Variants in ULK4 observed in about 807,000 individuals in gnomAD.
ULK4 encodes the protein unc-51 like kinase 4, also known as inactive serine/threonine-protein kinase ULK4.
ULK4 carries 133 observed loss-of-function variants against 160.6 expected under a neutral mutation model. The ratio of observed to expected loss-of-function variants is 0.83; its 90% CI spans 0.72 to 0.96. The LOEUF (loss-of-function observed/expected upper bound fraction) is 0.96, where lower values mean the gene tolerates loss of function less well. Among genes scored for constraint, ULK4 ranks in the 40% least tolerant of loss-of-function variants. ULK4 has a pLI of 0.00. For synonymous variants in ULK4, 534 were observed against 539.8 expected (o/e 0.99, Z 0.15); for missense variants, 1,580 against 1,499.5 (o/e 1.05, Z -0.89).
chr3:41,405,078 G>A (rs2082266286), intron 34 of ULK4, among the ~76,000 whole-genome samples: 1 of 152,092 alleles, frequency 6.6e-6, no homozygotes, highest in South Asian at 2.1e-4. Flanking sequence ...CCGTCACCCA[G>A]GTACTGAATA....
chr3:41,741,637 A>C (rs1473930302), intron 22 of ULK4, among the ~76,000 whole-genome samples: 2 of 151,974 alleles, frequency 1.3e-5, no homozygotes, highest in Admixed American at 1.3e-4. Flanking sequence ...GTTAATAGTC[A>C]TAGATGTTTC....
intron 22 of ULK4, among the ~76,000 whole-genome samples, chr3:41,752,652 T>C (rs922695323): frequency 1.3e-5 from 2 of 152,230 alleles, no homozygotes; most frequent in African/African-American, 4.8e-5. Flanking sequence ...ATGAAAATCA[T>C]ATGTTCATGA....
At chr3:41,699,189 G>GT (rs2036592375) in intron 27 of ULK4, among the ~76,000 whole-genome samples, 1 of 152,108 alleles carries the variant, frequency 6.6e-6, no homozygotes, top group Admixed American at 6.6e-5. Context: ...CAGAGTAGGT[G>GT]TACCAATGTA....
In ULK4 at chr3:41,536,073, C is replaced by T. The variant is rs141034366; in HGVS notation, c.3226+29952G>A. Among the ~76,000 whole-genome samples, 19 of 152,314 alleles carry T rather than the reference C, an allele frequency of 1.2e-4. No homozygotes were observed. The East Asian group carries it at 3.5e-3, about 28-fold the overall frequency. On this transcript the variant is annotated intron_variant, in intron 32 of 36. Transcript: ENST00000301831. ...CACATCTCTTTCAGATGCCACATCC[C>T]ACCCACTCCAGCTCCTGAAGAACCC...
intron 32 of ULK4, among the ~76,000 whole-genome samples, chr3:41,539,759 T>C (rs2086631981): frequency 6.6e-6 from 1 of 152,090 alleles, no homozygotes; most frequent in South Asian, 2.1e-4. Context: ...AGACAAATCC[T>C]TCCATGCCTC....
chr3:41,856,531 A>ATATG (rs1559610857), intron 17 of ULK4, among the ~76,000 whole-genome samples: 3 of 117,626 alleles, frequency 2.6e-5, no homozygotes, highest in Non-Finnish European at 5.0e-5. Flanking sequence ...ATATATATAT[A>ATATG]TGTATGTATA....
chr3:41,307,994 G>A (rs1473325385), intron 35 of ULK4, among the ~76,000 whole-genome samples: 1 of 152,010 alleles, frequency 6.6e-6, no homozygotes, highest in African/African-American at 2.4e-5. Context: ...AGCATTTAAG[G>A]GCAGATACAA....
chr3:41,467,345 G>A (rs566075274), intron 32 of ULK4, among the ~76,000 whole-genome samples: 2 of 152,078 alleles, frequency 1.3e-5, no homozygotes, highest in Admixed American at 1.3e-4. Flanking sequence ...TGACCAACAT[G>A]GTGAAAACCC....
intron 19 of ULK4, among the ~76,000 whole-genome samples, chr3:41,801,323 GAAAAAGA>G (rs1486302605): frequency 2.6e-5 from 4 of 151,784 alleles, no homozygotes; most frequent in Non-Finnish European, 5.9e-5. Context: ...AATAAGACTT[GAAAAAGA>G]AAAAAGAAAC....
intron 22 of ULK4, among the ~76,000 whole-genome samples, chr3:41,740,959 C>T (rs534519386): frequency 3.3e-5 from 5 of 152,050 alleles, no homozygotes; most frequent in African/African-American, 9.7e-5. Context: ...GGAACAGCTA[C>T]TAACTATTTT....
chr3:41,739,477 T>G (rs1283369912), intron 22 of ULK4, among the ~76,000 whole-genome samples: 1 of 151,886 alleles, frequency 6.6e-6, no homozygotes, highest in Non-Finnish European at 1.5e-5. Flanking sequence ...AAATAATACA[T>G]TGTGTTGCAC....
chr3:41,956,848 T>C (rs1700501341), intron 1 of ULK4, among the ~76,000 whole-genome samples: 1 of 152,260 alleles, frequency 6.6e-6, no homozygotes, highest in Admixed American at 6.5e-5. Flanking sequence ...ATATTGCCTA[T>C]GACAGAGTTG....
At chr3:41,276,341 C>T (rs376600119) in intron 35 of ULK4, among the ~76,000 whole-genome samples, 1 of 152,212 alleles carries the variant, frequency 6.6e-6, no homozygotes, top group Admixed American at 6.5e-5. Flanking sequence ...CCAGGGCAAA[C>T]CTTTCACTTC....
rs139233663 is a variant in ULK4, at chr3:41,930,794, C to T, written c.541+1050G>A. The stretch of plus-strand genomic sequence containing the variant: ...GCAAATCAAAACCACAATGAGATAC[C>T]GTCTCACACCAGTCAGAATGGCAAT... On this transcript the variant is annotated intron_variant, in intron 5 of 36. Coordinates refer to ENST00000301831, the MANE Select transcript of ULK4 (RefSeq NM_017886.4). 1.9e-3 allele frequency among the ~76,000 whole-genome samples: 284 copies of T among 152,212 alleles called. 4 individuals are homozygous for T. The East Asian group carries it at 0.047, about 25-fold the overall frequency.
chr3:41,898,045 T>C (rs563072382), intron 14 of ULK4, among the ~76,000 whole-genome samples: 1 of 152,274 alleles, frequency 6.6e-6, no homozygotes, highest in Non-Finnish European at 1.5e-5. Flanking sequence ...TCAAATGTCC[T>C]GGTCCCTCTA....
In ULK4 at chr3:41,398,074, C is replaced by T. The variant is rs1315999786; in HGVS notation, c.3678+5G>A. 2.5e-6 allele frequency: 4 copies of T among 1,611,208 alleles called. No homozygotes were observed. The highest frequency in any genetic ancestry group is 1.1e-5 in the South Asian group (1 of 90,738). On this transcript the variant is annotated splice_donor_5th_base_variant and intron_variant, in intron 35 of 36. Coordinates refer to ENST00000301831, the MANE Select transcript of ULK4 (RefSeq NM_017886.4). Reference sequence around the variant, plus strand: ...ACAGTGTCCCCGGTTTCTGTGTGAACTCACCATTCTTCTGAGAATCCTTAA... The same window carrying T: ...ACAGTGTCCCCGGTTTCTGTGTGAATTCACCATTCTTCTGAGAATCCTTAA...
At chr3:41,423,357 A>T (rs1156810485) in intron 34 of ULK4, among the ~76,000 whole-genome samples, 1 of 152,152 alleles carries the variant, frequency 6.6e-6, no homozygotes, top group Non-Finnish European at 1.5e-5. Flanking sequence ...CCTACCTCTA[A>T]AATTTAAAAA....
At chr3:41,920,013 T>C (rs535173863) in intron 5 of ULK4, among the ~76,000 whole-genome samples, 195 bp from the exon 6 acceptor site, 11 of 152,118 alleles carry the variant, frequency 7.2e-5, no homozygotes, top group Middle Eastern at 3.2e-3. Context: ...TGTGTGAATA[T>C]AAAAAAGTGT....
chr3:41,898,278 G>A (rs1698237413), intron 14 of ULK4, among the ~76,000 whole-genome samples, 154 bp downstream of exon 14: 1 of 152,170 alleles, frequency 6.6e-6, no homozygotes, highest in Non-Finnish European at 1.5e-5. Flanking sequence ...ATTACAGATT[G>A]TTTACAATTC....
Sources: gnomAD v4.1 joint callset for allele counts (sites outside exome capture counted in the v4.1 genomes callset) on GRCh38, gnomAD v4.1.1 for gene constraint, MANE v1.5 for transcripts, NCBI Gene and HGNC (gene_info 2026-07-23, HGNC 2026-07-21) for gene names.